GRIK4: variants seen among roughly 807,000 people sequenced by gnomAD.
GRIK4 encodes glutamate receptor ionotropic, kainate 4.
Under a neutral mutation model 104.9 loss-of-function variants are expected in GRIK4, and 40 were observed. That is an observed-to-expected ratio of 0.38 (90% CI 0.30 to 0.50). The LOEUF (loss-of-function observed/expected upper bound fraction) is 0.50. Among genes scored for constraint, GRIK4 ranks in the 20% least tolerant of loss-of-function variants. GRIK4 has a pLI of 0.93. For synonymous variants in GRIK4, 485 were observed against 524.9 expected (o/e 0.92, Z 1.04); for missense variants, 1,047 against 1,308.1 (o/e 0.80, Z 3.08).
chr11:120,798,942 T>G (rs1382456353), intron 3 of GRIK4, among the ~76,000 whole-genome samples: 1 of 152,232 alleles, frequency 6.6e-6, no homozygotes, highest in African/African-American at 2.4e-5. Context: ...CAGCACACTC[T>G]TGAATGTTTA....
intron 1 of GRIK4, among the ~76,000 whole-genome samples, chr11:120,603,966 C>T (rs866869506): frequency 1.3e-5 from 2 of 151,718 alleles, no homozygotes; most frequent in Non-Finnish European, 2.9e-5. Flanking sequence ...GTCAGGAGAT[C>T]GAGACCATCC....
intron 15 of GRIK4, among the ~76,000 whole-genome samples, chr11:120,955,399 T>C (rs779337383): frequency 6.6e-6 from 1 of 152,220 alleles, no homozygotes; most frequent in Non-Finnish European, 1.5e-5. Flanking sequence ...GAACACTAAG[T>C]GCACATCAGG....
chr11:120,797,292 C>T (rs1952538758), intron 3 of GRIK4, among the ~76,000 whole-genome samples: 1 of 152,150 alleles, frequency 6.6e-6, no homozygotes, highest in African/African-American at 2.4e-5. Context: ...GGAGGATGTG[C>T]CGTATCATAT....
chr11:120,644,011 C>G (rs376576137), intron 1 of GRIK4, among the ~76,000 whole-genome samples: 76 of 122,916 alleles, frequency 6.2e-4, no homozygotes, highest in African/African-American at 9.0e-4. Context: ...GGGAGAGGGT[C>G]TGTGTGTGTG....
rs980788251 is a variant in GRIK4 at position 120,939,825 on chromosome 11, C to G, written c.1477-522C>G. On this transcript the variant is annotated intron_variant, in intron 13 of 20. Coordinates refer to ENST00000527524, the MANE Select transcript of GRIK4 (RefSeq NM_014619.5). This position sits in a 1 kb window ranked among gnomAD's most constrained non-coding sequence, Gnocchi z 5.6. The stretch of plus-strand genomic sequence containing the variant: ...TGAAGCCCTGTGTCTACTAAAATTA[C>G]AAAAATAAGCCAGGCATGGTGGCCC... Among the ~76,000 whole-genome samples the G allele has an allele frequency of 6.6e-6, 1 of 152,078 alleles. No individual in the cohort carries two copies. The highest frequency in any genetic ancestry group is 1.5e-5 in the Non-Finnish European group (1 of 68,022).
chr11:120,850,518 C>G (rs1041829946), intron 8 of GRIK4, among the ~76,000 whole-genome samples: 5 of 152,218 alleles, frequency 3.3e-5, no homozygotes, highest in Admixed American at 6.5e-5. Flanking sequence ...CTTGATCATG[C>G]AAATGATAAA....
At chr11:120,876,907 C>T (rs368135871) in intron 11 of GRIK4, among the ~76,000 whole-genome samples, 1 of 152,224 alleles carries the variant, frequency 6.6e-6, no homozygotes, top group African/African-American at 2.4e-5. Flanking sequence ...GCCCTACGGC[C>T]GTGGAGGCCC....
At chr11:120,840,679 A>G (rs970345158) in intron 8 of GRIK4, among the ~76,000 whole-genome samples, 2 of 152,222 alleles carry the variant, frequency 1.3e-5, no homozygotes, top group African/African-American at 4.8e-5. Context: ...TAAGAGAAAT[A>G]AAATTACTGT....
At chr11:120,904,629 C>T (rs1418607377) in intron 12 of GRIK4, among the ~76,000 whole-genome samples, 1 of 152,242 alleles carries the variant, frequency 6.6e-6, no homozygotes, top group African/African-American at 2.4e-5. Flanking sequence ...CATTTCTCCT[C>T]CCATCTCGCC....
intron 3 of GRIK4, among the ~76,000 whole-genome samples, chr11:120,673,388 G>A (rs1397423070): frequency 6.6e-6 from 1 of 152,204 alleles, no homozygotes; most frequent in African/African-American, 2.4e-5. Flanking sequence ...CTTAACAAGT[G>A]CTGCTTGCCG....
At chr11:120,926,407 A>G (rs374579086) in intron 13 of GRIK4, among the ~76,000 whole-genome samples, 2 of 152,326 alleles carry the variant, frequency 1.3e-5, no homozygotes, top group East Asian at 1.9e-4. Context: ...AACATTCCCT[A>G]TGTTTCAGGC....
At position 120,730,128 on chromosome 11, in the gene GRIK4, G is replaced by A. The variant is rs1163553225; in HGVS notation, c.82+69728G>A. Among the ~76,000 whole-genome samples the A allele has an allele frequency of 6.6e-5, 10 of 152,100 alleles. No individual in the cohort carries two copies. In the South Asian group the frequency reaches 1.0e-3, roughly 16 times the overall value. On this transcript the variant is annotated intron_variant, in intron 3 of 20. Transcript: ENST00000527524. The stretch of plus-strand genomic sequence containing the variant: ...CTAGCACTTCTGGAGGCTGAGGTGG[G>A]TGTACCACTTGAGCTCAGGAGTTCA...
chr11:120,877,989 C>T (rs915357220), intron 11 of GRIK4, among the ~76,000 whole-genome samples: 3 of 152,200 alleles, frequency 2.0e-5, no homozygotes, highest in African/African-American at 7.2e-5. Flanking sequence ...AGTACCTCTT[C>T]ACCTTTATTC....
intron 4 of GRIK4, among the ~76,000 whole-genome samples, chr11:120,808,161 G>A (rs1034937689): frequency 6.6e-6 from 1 of 152,160 alleles, no homozygotes; most frequent in Non-Finnish European, 1.5e-5. Flanking sequence ...TGTACATAGG[G>A]GCAGAGGAGA....
At chr11:120,583,117 A>T (rs939127621) in intron 1 of GRIK4, among the ~76,000 whole-genome samples, 8 of 152,072 alleles carry the variant, frequency 5.3e-5, no homozygotes, top group African/African-American at 1.9e-4. Context: ...GATGTTGAGC[A>T]TTTTTTCATG....
chr11:120,844,647 G>A (rs1953807193), intron 8 of GRIK4, among the ~76,000 whole-genome samples: 1 of 152,132 alleles, frequency 6.6e-6, no homozygotes, highest in South Asian at 2.1e-4. Flanking sequence ...GTTTCAGCTG[G>A]GGAGAGCTGG....
rs2511063 is a variant in GRIK4 at position 120,765,310 on chromosome 11, G to T, written c.83-37383G>T. 3.3e-3 allele frequency among the ~76,000 whole-genome samples: 495 copies of T among 151,810 alleles called. 3 individuals carry two copies. Among genetic ancestry groups the T allele is most frequent in the African/African-American group, 0.011 (450 of 41,386 alleles). Reference sequence around the variant, plus strand: ...GTGCTGTATTTTTCAGCTCCATCAGGTCATTTATGTTCTTTCCTAAACTGG... The same window carrying T: ...GTGCTGTATTTTTCAGCTCCATCAGTTCATTTATGTTCTTTCCTAAACTGG... On this transcript the variant is annotated intron_variant, in intron 3 of 20. Coordinates refer to ENST00000527524, the MANE Select transcript of GRIK4 (RefSeq NM_014619.5).
intron 3 of GRIK4, among the ~76,000 whole-genome samples, chr11:120,722,906 G>A (rs1049087749): frequency 1.3e-5 from 2 of 152,162 alleles, no homozygotes; most frequent in Non-Finnish European, 2.9e-5. Flanking sequence ...AGATTCACTT[G>A]GTAATTATGT....
intron 1 of GRIK4, among the ~76,000 whole-genome samples, chr11:120,548,778 TA>T (rs1210818152): frequency 6.6e-6 from 1 of 152,164 alleles, no homozygotes; most frequent in Non-Finnish European, 1.5e-5. Flanking sequence ...CCCTTCATTT[TA>T]CACACAAAAC....
Sources: gnomAD v4.1 joint callset for allele counts (sites outside exome capture counted in the v4.1 genomes callset) on GRCh38, gnomAD v4.1.1 for gene constraint, Gnocchi (gnomAD v3.1) non-coding constraint, MANE v1.5 for transcripts, NCBI Gene and HGNC (gene_info 2026-07-23, HGNC 2026-07-21) for gene names.